PTPRR: variants seen among roughly 807,000 people sequenced by gnomAD.
The protein encoded by PTPRR is receptor-type tyrosine-protein phosphatase R.
PTPRR carries 38 observed loss-of-function variants against 77.2 expected under a neutral mutation model. The ratio of observed to expected loss-of-function variants is 0.49; its 90% confidence interval spans 0.38 to 0.65. The LOEUF is 0.65. PTPRR is among the 30% of genes least tolerant of loss of function. PTPRR has a pLI of 0.00. For synonymous variants in PTPRR, 299 were observed against 283.1 expected (o/e 1.06, Z -0.57); for missense variants, 744 against 799.2 (o/e 0.93, Z 0.83).
chr12:70,764,852 A>C, intron 2 of PTPRR, 74 bp from the exon 3 acceptor site: 1 of 1,083,410 alleles, frequency 9.2e-7, no homozygotes, highest in Non-Finnish European at 1.4e-6. Context: ...CATCCAAATA[A>C]GTATTAATAA....
chr12:70,715,231 G>A (rs758815378), intron 6 of PTPRR, among the ~76,000 whole-genome samples: 17 of 152,198 alleles, frequency 1.1e-4, no homozygotes, highest in Middle Eastern at 6.8e-3. Flanking sequence ...AAACCAGCAA[G>A]TTTTTATTAG....
At chr12:70,794,611 A>G (rs1157416474) in intron 2 of PTPRR, among the ~76,000 whole-genome samples, 2 of 152,230 alleles carry the variant, frequency 1.3e-5, no homozygotes, top group Non-Finnish European at 2.9e-5. Flanking sequence ...AAAAGACACG[A>G]GAGAAGACTC....
At chr12:70,734,599 A>G (rs1215186921) in intron 6 of PTPRR, among the ~76,000 whole-genome samples, 5 of 152,130 alleles carry the variant, frequency 3.3e-5, no homozygotes, top group African/African-American at 1.2e-4. Context: ...GGGCAGATAC[A>G]GCAGTTAGAG....
chr12:70,672,502 T>C, intron 10 of PTPRR: 15 of 1,214,894 alleles, frequency 1.2e-5, no homozygotes, highest in Non-Finnish European at 1.8e-5. Flanking sequence ...TGCTCATGAC[T>C]GGCAAATGAG....
intron 2 of PTPRR, among the ~76,000 whole-genome samples, chr12:70,790,410 C>T (rs1891402104): frequency 6.6e-6 from 1 of 152,038 alleles, no homozygotes; most frequent in Non-Finnish European, 1.5e-5. Context: ...TTCCAGGGTG[C>T]CACACTTTCT....
At chr12:70,775,557 C>T (rs745700264) in intron 2 of PTPRR, among the ~76,000 whole-genome samples, 1 of 152,210 alleles carries the variant, frequency 6.6e-6, no homozygotes, top group Non-Finnish European at 1.5e-5. Flanking sequence ...AGTTATTAGG[C>T]AGCCTGGACT....
chr12:70,920,520 G>T lies in PTPRR; in HGVS notation c.-130C>A. ...CAGGTCCTCGGCTGGGGTTTGCAGA[G>T]CAGTCAGTCTGTGGCGCCGACAGAA... On this transcript the variant is annotated 5_prime_UTR_variant, in exon 1 of 14. Coordinates refer to ENST00000283228, the MANE Select transcript of PTPRR (RefSeq NM_002849.4). 1.2e-6 allele frequency: 1 copy of T among 829,164 alleles called. No homozygotes were observed. The highest frequency in any genetic ancestry group is 1.9e-6 in the Non-Finnish European group (1 of 516,490). The allele number at this position is 829,164 out of a possible 1,614,324, so 51.4% of individuals were successfully genotyped here.
intron 2 of PTPRR, among the ~76,000 whole-genome samples, chr12:70,870,148 C>A (rs1013949035): frequency 1.3e-5 from 2 of 152,120 alleles, no homozygotes; most frequent in Non-Finnish European, 1.5e-5. Flanking sequence ...CTGCTGGGAG[C>A]CCAGGACAGT....
chr12:70,672,769 G>A (rs537262483), intron 10 of PTPRR: 277 of 1,557,498 alleles, frequency 1.8e-4, no homozygotes, highest in Non-Finnish European at 2.2e-4. Flanking sequence ...AGGTGTTGGT[G>A]TATTCAGGAA....
At position 70,659,458 on chromosome 12, in the gene PTPRR, C is replaced by T. The variant is rs371567007; in HGVS notation, c.1766+1482G>A. Among the ~76,000 whole-genome samples the T allele has an allele frequency of 5.9e-5, 9 of 152,010 alleles. No individual in the cohort carries two copies. In the East Asian group the frequency reaches 1.4e-3, roughly 23 times the overall value. On this transcript the variant is annotated intron_variant, in intron 12 of 13. Coordinates refer to ENST00000283228, the MANE Select transcript of PTPRR (RefSeq NM_002849.4). The stretch of plus-strand genomic sequence containing the variant: ...ACTGATGTTGGAGTTAAAAGGAGGA[C>T]CAGAGATAACTGTCAACATGGGATC...
chr12:70,753,247 C>G (rs1890458185), intron 5 of PTPRR, among the ~76,000 whole-genome samples: 1 of 152,082 alleles, frequency 6.6e-6, no homozygotes, highest in Non-Finnish European at 1.5e-5. Flanking sequence ...AACCCCTTCC[C>G]AGTAGGGGAA....
At chr12:70,900,488 C>A (rs982952006) in intron 1 of PTPRR, among the ~76,000 whole-genome samples, 1 of 151,126 alleles carries the variant, frequency 6.6e-6, no homozygotes, top group African/African-American at 2.4e-5. Context: ...AAATATGACC[C>A]CAAAAGCACA....
chr12:70,667,602 G>A (rs1887059050), intron 10 of PTPRR, among the ~76,000 whole-genome samples: 2 of 152,070 alleles, frequency 1.3e-5, no homozygotes, highest in African/African-American at 4.8e-5. Flanking sequence ...TGGTGGCTTT[G>A]GTCTCTTTGC....
intron 2 of PTPRR, among the ~76,000 whole-genome samples, chr12:70,765,307 C>G (rs1454429853): frequency 6.6e-6 from 1 of 152,290 alleles, no homozygotes; most frequent in Non-Finnish European, 1.5e-5. Flanking sequence ...ACTCCCACCC[C>G]AATACTGCGC....
At chr12:70,702,698 T>G (rs1329376936) in intron 6 of PTPRR, among the ~76,000 whole-genome samples, 1 of 152,204 alleles carries the variant, frequency 6.6e-6, no homozygotes, top group Non-Finnish European at 1.5e-5. Flanking sequence ...ATGTCATTTT[T>G]GTTAATTTCT....
intron 2 of PTPRR, among the ~76,000 whole-genome samples, chr12:70,829,288 G>C (rs1245239143): frequency 6.8e-6 from 1 of 146,912 alleles, no homozygotes; most frequent in East Asian, 2.0e-4. Flanking sequence ...AAATAATGCT[G>C]TCCAGTAAGA....
At chr12:70,842,041 T>C (rs1892405952) in intron 2 of PTPRR, among the ~76,000 whole-genome samples, 1 of 152,210 alleles carries the variant, frequency 6.6e-6, no homozygotes, top group Non-Finnish European at 1.5e-5. Context: ...ATATATTCCC[T>C]GAAGTAATTT....
chr12:70,752,224 G>A (rs1565682217), intron 5 of PTPRR, among the ~76,000 whole-genome samples: 1 of 152,154 alleles, frequency 6.6e-6, no homozygotes, highest in Non-Finnish European at 1.5e-5. Context: ...TAGACCCGCA[G>A]AGAATATTCT....
chr12:70,862,594 G>T (rs1055846924), intron 2 of PTPRR, among the ~76,000 whole-genome samples: 51 of 114,404 alleles, frequency 4.5e-4, no homozygotes, highest in African/African-American at 1.6e-3. Context: ...CTGTTGTGGG[G>T]TGGGGGGAGG....
Sources: gnomAD v4.1 joint callset for allele counts (sites outside exome capture counted in the v4.1 genomes callset) on GRCh38, gnomAD v4.1.1 for gene constraint, MANE v1.5 for transcripts, NCBI Gene and HGNC (gene_info 2026-07-23, HGNC 2026-07-21) for gene names.